Variants in KBTBD3 observed in about 807,000 individuals in gnomAD.
KBTBD3 encodes kelch repeat and BTB domain-containing protein 3.
KBTBD3 carries 38 observed loss-of-function variants against 49.6 expected under a neutral mutation model. That is an observed-to-expected ratio of 0.77 (90% CI 0.59 to 1.00). The LOEUF (loss-of-function observed/expected upper bound fraction) is 1.00, where lower values mean the gene tolerates loss of function less well. Ranked by LOEUF, KBTBD3 falls within the 50% of genes least tolerant of loss-of-function variation. The probability of loss-of-function intolerance (pLI) is 0.00; values close to 1 mark genes in which losing one functional copy is unlikely to be tolerated. For synonymous variants in KBTBD3, 214 were observed against 250.4 expected (o/e 0.85, Z 1.37); for missense variants, 661 against 712.0 (o/e 0.93, Z 0.81).
In KBTBD3 at chr11:106,059,128, C is replaced by T; in HGVS notation, c.-12-19G>A. ...CTTAGAACTAGAATAAAAACAAAAT[C>T]ACCGATGTAGTAGAGACCTAATGCA... On this transcript the variant is annotated intron_variant, in intron 2 of 3. Coordinates refer to ENST00000531837, the MANE Select transcript of KBTBD3 (RefSeq NM_198439.3). 7.0e-7 allele frequency: 1 copy of T among 1,421,974 alleles called. No homozygotes were observed. Among genetic ancestry groups the T allele is most frequent in the Non-Finnish European group, 9.5e-7 (1 of 1,052,816 alleles). The allele number at this position is 1,421,974 out of a possible 1,614,324, so 88.1% of individuals were successfully genotyped here. A position where few individuals can be genotyped will look rare whatever the true frequency, so the allele number is the denominator to read the frequency against.
chr11:106,053,486 A>G lies in KBTBD3; in HGVS notation c.1203T>C (p.Ala401=), dbSNP rs751509543. The G allele has an allele frequency of 5.1e-5, 83 of 1,613,682 alleles. No homozygotes were observed. The highest frequency in any genetic ancestry group is 6.6e-5 in the Non-Finnish European group (78 of 1,179,854). The change falls in exon 4 of 4, where the codon GCT becomes GCC. Residue 401 remains alanine, a synonymous_variant. Coordinates refer to ENST00000531837, the MANE Select transcript of KBTBD3 (RefSeq NM_198439.3). ...CACCTATGACAAATAATCTATCGAG[A>G]GCCATAACTGATGTATGCATGGTTC... ...TPRTMHTSVM[A]LDRLFVIGGK...
In KBTBD3 at chr11:106,052,801, G is replaced by A; in HGVS notation, c.*49C>T. Reference sequence around the variant, plus strand: ...ATAGATCTTTTTACCTATCATTTTGGTTAACAAATTTACTTTAGGTTACTA... The same window carrying A: ...ATAGATCTTTTTACCTATCATTTTGATTAACAAATTTACTTTAGGTTACTA... On this transcript the variant is annotated 3_prime_UTR_variant, in exon 4 of 4. Coordinates refer to ENST00000531837, the MANE Select transcript of KBTBD3 (RefSeq NM_198439.3). 1.4e-6 allele frequency: 2 copies of A among 1,451,146 alleles called. No individual in the cohort carries two copies. The highest frequency in any genetic ancestry group is 2.3e-5 in the East Asian group (1 of 43,876). 89.9% of individuals were successfully genotyped at this position (1,451,146 alleles called of 1,614,324 possible).
chr11:106,076,284 T>G (rs1861027823), intron 2 of KBTBD3: 2 of 152,190 alleles, frequency 1.3e-5, no homozygotes, highest in Admixed American at 1.3e-4. Context: ...TGACACAGGC[T>G]TTTGGTTAGC....
chr11:106,073,496 G>A (rs919110418), intron 2 of KBTBD3, among the ~76,000 whole-genome samples: 3 of 151,988 alleles, frequency 2.0e-5, no homozygotes, highest in African/African-American at 7.2e-5. Context: ...AGAGAAAACA[G>A]GCTTTGATAA....
intron 2 of KBTBD3, among the ~76,000 whole-genome samples, chr11:106,060,432 A>T (rs1860665460): frequency 6.6e-6 from 1 of 152,140 alleles, no homozygotes; most frequent in Non-Finnish European, 1.5e-5. Context: ...AGACAACTAG[A>T]TTCTCATATC....
rs1860429289 is a variant in KBTBD3, at chr11:106,052,104, G to T, written c.*746C>A. 6.6e-6 allele frequency: 1 copy of T among 151,640 alleles called. No homozygotes were observed. The highest frequency in any genetic ancestry group is 6.6e-5 in the Admixed American group (1 of 15,192). The allele number at this position is 151,640 out of a possible 1,614,324, so 9.4% of individuals were successfully genotyped here. On this transcript the variant is annotated 3_prime_UTR_variant, in exon 4 of 4. Coordinates refer to ENST00000531837, the MANE Select transcript of KBTBD3 (RefSeq NM_198439.3). ...ACATGTTAACATAAACTCAGGCCAG[G>T]TGTAACTTAGAACTACTAATTAAAT...
intron 2 of KBTBD3, chr11:106,075,661 C>T (rs1274605708): frequency 6.6e-6 from 1 of 152,164 alleles, no homozygotes; most frequent in Admixed American, 6.5e-5. Context: ...ATTAAACAAA[C>T]CTATAAAATA....
chr11:106,060,225 C>T (rs1170000867), intron 2 of KBTBD3, among the ~76,000 whole-genome samples: 5 of 150,948 alleles, frequency 3.3e-5, no homozygotes, highest in Admixed American at 6.6e-5. Flanking sequence ...TAACTATATT[C>T]GATATATCTA....
In KBTBD3 at chr11:106,051,335, C is replaced by T. The variant is rs1156703784; in HGVS notation, c.*1515G>A. The T allele has an allele frequency of 1.3e-5, 2 of 152,054 alleles. No individual in the cohort carries two copies. Among genetic ancestry groups the T allele is most frequent in the Middle Eastern group, 3.4e-3 (1 of 294 alleles). The allele number at this position is 152,054 out of a possible 1,614,324, so 9.4% of individuals were successfully genotyped here. A position where few individuals can be genotyped will look rare whatever the true frequency, so the allele number is the denominator to read the frequency against. ...ATAAGAAGGCCACCAATAAATACGT[C>T]ATCTAATCAGGAACAGTCCTTGATT... On this transcript the variant is annotated 3_prime_UTR_variant, in exon 4 of 4. Transcript: ENST00000531837.
chr11:106,064,567 G>A (rs1367385182), intron 2 of KBTBD3, among the ~76,000 whole-genome samples: 1 of 29,056 alleles, frequency 3.4e-5, no homozygotes, highest in African/African-American at 7.2e-5. Flanking sequence ...AAATATAAAA[G>A]GAATAGCCAG....
At position 106,053,561 on chromosome 11, in the gene KBTBD3, G is replaced by A. The variant is rs747643153; in HGVS notation, c.1128C>T (p.Tyr376=). ...AGAAGAAATCATTTTTCACTGGACA[G>A]TAGCACCAGGTTTGATCAGTGGCAT... ...YHDATDQTWC[Y]CPVKNDFFLV... The change falls in exon 4 of 4, where the codon TAC becomes TAT. Residue 376 remains tyrosine (Y), a synonymous_variant. Transcript: ENST00000531837. 7 of 1,613,678 alleles carry A rather than the reference G, an allele frequency of 4.3e-6. No homozygotes were observed. The East Asian group carries it at 1.1e-4, about 26-fold the overall frequency.
Position 106,054,356 on chromosome 11 carries a change from A to T in KBTBD3, c.333T>A (p.Tyr111Ter). ...CATCTGTTATTTTTGTTTTTCCAGT[A>T]TAGGCATAATCGAGAAATGCTTTTA... ...KAVKAFLDYA[Y>*]TGKTKITDDN... Residue 111 changes from tyrosine to a stop codon, truncating the protein, a stop_gained, in exon 4 of 4, where the codon TAT becomes TAA. Coordinates refer to ENST00000531837, the MANE Select transcript of KBTBD3 (RefSeq NM_198439.3). LOFTEE classifies it high-confidence loss of function. The T allele has an allele frequency of 6.2e-7, 1 of 1,612,776 alleles. No individual in the cohort carries two copies. The highest frequency in any genetic ancestry group is 8.5e-7 in the Non-Finnish European group (1 of 1,179,284).
In KBTBD3 at chr11:106,071,993, A is replaced by T. The variant is rs1028286289; in HGVS notation, c.-13+4514T>A. 1.1e-4 allele frequency among the ~76,000 whole-genome samples: 17 copies of T among 152,306 alleles called. No individual in the cohort carries two copies. The East Asian group carries it at 2.1e-3, about 19-fold the overall frequency. On this transcript the variant is annotated intron_variant, in intron 2 of 3. Transcript: ENST00000531837. The stretch of plus-strand genomic sequence containing the variant: ...TTTTCTTCAAATATTCTTCAAATTC[A>T]ATTATGCTATTTCATTGATTTTAAG...
chr11:106,062,299 G>A (rs1860717470), intron 2 of KBTBD3, among the ~76,000 whole-genome samples: 1 of 151,974 alleles, frequency 6.6e-6, no homozygotes, highest in African/African-American at 2.4e-5. Context: ...TGAAGATGAG[G>A]GCAGAGAGAG....
rs756799519 is a variant in KBTBD3, at chr11:106,053,826, G to A, written c.863C>T (p.Ala288Val). The change falls in exon 4 of 4, where the codon GCT becomes GTT. Residue 288 changes from alanine to valine, a missense_variant. Transcript: ENST00000531837. ...GTATTTCTCAGTTGTGGATGGTCGA[G>A]CATCAGGGAAGAGTCCACCAGAACC... ...VQGSGGLFPD[A>V]RPSTTEKYIF... is the part of the protein sequence containing the mutation. The A allele has an allele frequency of 3.1e-6, 5 of 1,613,942 alleles. No individual in the cohort carries two copies. Among genetic ancestry groups the A allele is most frequent in the South Asian group, 1.1e-5 (1 of 91,076 alleles).
chr11:106,064,449 C>T (rs574414823), intron 2 of KBTBD3, among the ~76,000 whole-genome samples: 58 of 151,748 alleles, frequency 3.8e-4, no homozygotes, highest in African/African-American at 1.4e-3. Context: ...AGAGGCTCAC[C>T]GAGAGGATCG....
At chr11:106,060,517 A>G (rs1860667033) in intron 2 of KBTBD3, among the ~76,000 whole-genome samples, 1 of 152,164 alleles carries the variant, frequency 6.6e-6, no homozygotes. Context: ...TCTTTGACAA[A>G]CCTGACAAAA....
chr11:106,062,169 T>C (rs745858330), intron 2 of KBTBD3, among the ~76,000 whole-genome samples: 2 of 152,030 alleles, frequency 1.3e-5, no homozygotes. Flanking sequence ...TCTGAGTAAC[T>C]ATGAATAGGG....
Position 106,051,427 on chromosome 11 carries a change from G to A in KBTBD3, c.*1423C>T, listed in dbSNP as rs984984413. On this transcript the variant is annotated 3_prime_UTR_variant, in exon 4 of 4. Transcript: ENST00000531837. Reference sequence around the variant, plus strand: ...TTGAAAAATACATTTGGAACTTATCGTTGCATAAATTTATATGATAAAATA... The same window carrying A: ...TTGAAAAATACATTTGGAACTTATCATTGCATAAATTTATATGATAAAATA... The A allele has an allele frequency of 3.3e-5, 5 of 151,786 alleles. No homozygotes were observed. Among genetic ancestry groups the A allele is most frequent in the African/African-American group, 1.2e-4 (5 of 41,374 alleles). 9.4% of individuals were successfully genotyped at this position (151,786 alleles called of 1,614,324 possible).
Sources: gnomAD v4.1 joint callset for allele counts (sites outside exome capture counted in the v4.1 genomes callset) on GRCh38, gnomAD v4.1.1 for gene constraint, MANE v1.5 for transcripts, NCBI Gene and HGNC (gene_info 2026-07-23, HGNC 2026-07-21) for gene names.